The following NAV2 variants were observed in gnomAD, a reference collection of about 807,000 sequenced individuals.
NAV2 encodes neuron navigator 2.
In NAV2, 54 loss-of-function variants were observed where a neutral mutation model predicts 223.2. The ratio of observed to expected loss-of-function variants is 0.24; its 90% confidence interval spans 0.19 to 0.30. The LOEUF (loss-of-function observed/expected upper bound fraction) is 0.30. Among genes scored for constraint, NAV2 ranks in the 10% least tolerant of loss-of-function variants. The pLI is 1.00. For missense variants in NAV2, 2,806 were observed against 3,147.5 expected, an observed-to-expected ratio of 0.89 and a Z score of 2.60; for synonymous variants, 1,279 against 1,239.3, an observed-to-expected ratio of 1.03 and a Z score of -0.67.
At chr11:19,790,130 G>A (rs1202274174) in intron 1 of NAV2, among the ~76,000 whole-genome samples, 1 of 152,170 alleles carries the variant, frequency 6.6e-6, no homozygotes, top group Non-Finnish European at 1.5e-5. Flanking sequence ...GCTCCCGGCT[G>A]CATGCTGTCC....
chr11:19,631,016 GT>G (rs1445596262), intron 1 of NAV2, among the ~76,000 whole-genome samples: 1 of 145,346 alleles, frequency 6.9e-6, no homozygotes, highest in East Asian at 2.0e-4. Context: ...GTTTTGTTTT[GT>G]TTTTTTAATA....
intron 26 of NAV2, among the ~76,000 whole-genome samples, chr11:20,084,589 A>T (rs1351175401): frequency 6.6e-6 from 1 of 152,186 alleles, no homozygotes; most frequent in Non-Finnish European, 1.5e-5. Flanking sequence ...AAGGACACTG[A>T]GGGACTGGAC....
chr11:20,077,461 C>T, intron 22 of NAV2, 91 bp from the exon 23 acceptor site: 3 of 950,038 alleles, frequency 3.2e-6, no homozygotes, highest in East Asian at 2.4e-5. Context: ...GATCAATGGA[C>T]CCACAGGATT....
intron 11 of NAV2, among the ~76,000 whole-genome samples, chr11:20,031,000 G>T (rs78687774): frequency 0.026 from 3,905 of 152,138 alleles, 169 homozygotes; most frequent in African/African-American, 0.089. Flanking sequence ...ACCTTTCCCA[G>T]ATTTAAAATC....
intron 11 of NAV2, among the ~76,000 whole-genome samples, chr11:20,005,251 A>ATTTTT: frequency 1.6e-4 from 1 of 6,096 alleles, no homozygotes; most frequent in Non-Finnish European, 5.2e-4. Flanking sequence ...ATATATATAT[A>ATTTTT]TATTTTTTTT....
chr11:19,618,633 G>C (rs1019839077), intron 1 of NAV2, among the ~76,000 whole-genome samples: 1 of 152,164 alleles, frequency 6.6e-6, no homozygotes, highest in South Asian at 2.1e-4. Context: ...GTGCTAAGCT[G>C]TGGTGGTGGG....
At chr11:19,434,514 G>C (rs1851145174) in intron 1 of NAV2, among the ~76,000 whole-genome samples, 1 of 152,196 alleles carries the variant, frequency 6.6e-6, no homozygotes, top group Non-Finnish European at 1.5e-5. Flanking sequence ...GAAAGGAGCT[G>C]AGTTGCCACC....
At chr11:19,960,589 TTTTATTTATTTATTTATTTA>T (rs5790101) in intron 10 of NAV2, among the ~76,000 whole-genome samples, 1 of 141,630 alleles carries the variant, frequency 7.1e-6, no homozygotes, top group African/African-American at 2.6e-5. Flanking sequence ...TTTTTTAAAA[TTTTATTTATTTATTTATTTA>T]TTTATTTATT....
At chr11:19,359,533 T>C (rs369660238) in intron 1 of NAV2, among the ~76,000 whole-genome samples, 4 of 152,170 alleles carry the variant, frequency 2.6e-5, no homozygotes, top group East Asian at 3.9e-4. Context: ...TGCAGCACAA[T>C]GGGGCAAATT....
intron 28 of NAV2, 114 bp downstream of exon 28, chr11:20,092,482 G>C: frequency 9.1e-7 from 1 of 1,100,382 alleles, no homozygotes; most frequent in Non-Finnish European, 1.3e-6. Flanking sequence ...GGCAACAGGC[G>C]TGTGTGCACT....
intron 11 of NAV2, among the ~76,000 whole-genome samples, chr11:19,986,059 C>T (rs1160685142): frequency 6.6e-6 from 1 of 152,182 alleles, no homozygotes. Flanking sequence ...ACATAAAATA[C>T]AGTCCTTACA....
At chr11:19,934,424 A>G in intron 7 of NAV2, 147 bp downstream of exon 7, 1 of 958,620 alleles carries the variant, frequency 1.0e-6, no homozygotes. Context: ...AACTCCTAAG[A>G]GAAGCAGACA....
chr11:19,649,347 C>A (rs1365574613), intron 1 of NAV2, among the ~76,000 whole-genome samples: 5 of 152,148 alleles, frequency 3.3e-5, no homozygotes, highest in African/African-American at 7.2e-5. Flanking sequence ...TTTCAAATGA[C>A]CTCGAGAGAA....
chr11:19,524,177 G>C (rs1033146522), intron 1 of NAV2, among the ~76,000 whole-genome samples: 1 of 152,182 alleles, frequency 6.6e-6, no homozygotes, highest in Admixed American at 6.5e-5. Context: ...CATTTGACAT[G>C]GTGGCCACGA....
intron 1 of NAV2, among the ~76,000 whole-genome samples, chr11:19,376,411 G>A (rs938053612): frequency 3.3e-5 from 5 of 152,176 alleles, no homozygotes; most frequent in African/African-American, 4.8e-5. Flanking sequence ...CCTTGAGACA[G>A]GTACACTTAG....
chr11:19,874,682 G>A (rs2153069172), intron 4 of NAV2, among the ~76,000 whole-genome samples: 1 of 152,336 alleles, frequency 6.6e-6, no homozygotes, highest in Non-Finnish European at 1.5e-5. Context: ...TAGAAACTGT[G>A]TGGCTGTCAG....
At chr11:19,438,766 C>T (rs974790066) in intron 1 of NAV2, among the ~76,000 whole-genome samples, 81 of 152,336 alleles carry the variant, frequency 5.3e-4, no homozygotes, top group African/African-American at 1.8e-3. Context: ...AAGATGAGGT[C>T]TGGAAAGATC....
chr11:19,607,903 A>T (rs1039917779), intron 1 of NAV2, among the ~76,000 whole-genome samples: 11 of 152,180 alleles, frequency 7.2e-5, no homozygotes, highest in Admixed American at 2.0e-4. Context: ...TATTCTTACT[A>T]TTATGCTAGA....
chr11:19,747,180 G>C (rs961083100), intron 1 of NAV2, among the ~76,000 whole-genome samples: 4 of 151,076 alleles, frequency 2.6e-5, no homozygotes, highest in African/African-American at 9.7e-5. Context: ...TGCTGAGAAT[G>C]ATGGTTTCCA....
Sources: allele counts gnomAD v4.1 joint callset (sites outside exome capture counted in the v4.1 genomes callset), GRCh38; gene constraint gnomAD v4.1.1; transcripts MANE v1.5; gene names NCBI Gene and HGNC (gene_info 2026-07-23, HGNC 2026-07-21).